Variants in ACYP2 observed in about 807,000 individuals in gnomAD.
The protein encoded by ACYP2 is acylphosphatase 2.
In ACYP2, 12 loss-of-function variants were observed where a neutral mutation model predicts 11.2. The ratio of observed to expected loss-of-function variants is 1.08; its 90% CI spans 0.69 to 1.74. The LOEUF is 1.74. Ranked by LOEUF, ACYP2 falls within the 40% of genes most tolerant of loss-of-function variation. The probability of loss-of-function intolerance (pLI) is 0.00; values close to 1 mark genes in which losing one functional copy is unlikely to be tolerated. For missense variants in ACYP2, 134 were observed against 101.9 expected (o/e 1.31, Z -1.35); for synonymous variants, 43 against 32.2 (o/e 1.33, Z -1.13).
At chr2:54,038,676 TA>T (rs1558487442) in intron 2 of ACYP2, among the ~76,000 whole-genome samples, 1 of 21,472 alleles carries the variant, frequency 4.7e-5, no homozygotes, top group Non-Finnish European at 9.8e-5. Flanking sequence ...TTGAATACTA[TA>T]TATATATATA....
chr2:54,194,741 G>C (rs1684386405), intron 6 of ACYP2, among the ~76,000 whole-genome samples: 1 of 152,036 alleles, frequency 6.6e-6, no homozygotes, highest in African/African-American at 2.4e-5. Flanking sequence ...GTTTGCAAGT[G>C]TCATGTTTGG....
At chr2:54,183,485 T>C (rs1305302662) in intron 6 of ACYP2, among the ~76,000 whole-genome samples, 1 of 151,960 alleles carries the variant, frequency 6.6e-6, no homozygotes, top group East Asian at 1.9e-4. Context: ...TGAGCTGTGA[T>C]TGCACCACTG....
chr2:54,029,961 G>A (rs897496117), intron 2 of ACYP2: 6 of 272,982 alleles, frequency 2.2e-5, no homozygotes, highest in South Asian at 5.4e-5. Flanking sequence ...ATTTATTGCT[G>A]TAACCAGATA....
chr2:54,115,784 C>A (rs1465967719), intron 4 of ACYP2, 28 bp downstream of exon 1: 1 of 1,577,440 alleles, frequency 6.3e-7, no homozygotes, highest in Non-Finnish European at 8.6e-7. Context: ...GGTGGGAGAT[C>A]AAAAAGGTTA....
chr2:54,143,706 A>C (rs989717158), intron 6 of ACYP2, among the ~76,000 whole-genome samples: 6 of 121,162 alleles, frequency 5.0e-5, no homozygotes, highest in African/African-American at 1.9e-4. Flanking sequence ...TGCTGGGATT[A>C]CAGGCATGAG....
chr2:54,225,074 G>A (rs2103956723), intron 6 of ACYP2, among the ~76,000 whole-genome samples: 1 of 152,314 alleles, frequency 6.6e-6, no homozygotes, highest in East Asian at 1.9e-4. Flanking sequence ...CCCTTTAACT[G>A]GCCACAGTGA....
chr2:54,059,759 A>G (rs1558500776), intron 4 of ACYP2, among the ~76,000 whole-genome samples: 1 of 152,142 alleles, frequency 6.6e-6, no homozygotes, highest in Non-Finnish European at 1.5e-5. Flanking sequence ...CTCATCCTTC[A>G]GTAGGGTGAG....
chr2:54,047,528 C>G (rs964499843), intron 2 of ACYP2, among the ~76,000 whole-genome samples: 10 of 152,186 alleles, frequency 6.6e-5, no homozygotes, highest in Admixed American at 5.9e-4. Flanking sequence ...ACCCATTTTA[C>G]TAGGACTACA....
Position 54,255,267 on chromosome 2 carries a change from C to G in ACYP2, c.405-49421C>G, listed in dbSNP as rs191487480. On this transcript the variant is annotated intron_variant, in intron 6 of 6. Coordinates refer to ENST00000607452, the MANE Select transcript of ACYP2 (RefSeq NM_001320586.2). ...AGTAAGGGTTTCTTTGAAAGAAGAA[C>G]TTAAACTTGCAGCCTGTCCTAGGGT... The G allele has an allele frequency of 9.4e-5, 152 of 1,614,182 alleles. 2 individuals carry two copies. The highest frequency in any genetic ancestry group is 6.1e-4 in the African/African-American group (46 of 75,046).
chr2:54,263,244 G>C (rs1378375937), intron 6 of ACYP2, among the ~76,000 whole-genome samples: 1 of 152,146 alleles, frequency 6.6e-6, no homozygotes, highest in East Asian at 1.9e-4. Context: ...GAGGAGGAGA[G>C]AGAGGGAGGT....
At chr2:54,022,492 C>T (rs1229039714) in intron 2 of ACYP2, among the ~76,000 whole-genome samples, 1 of 152,084 alleles carries the variant, frequency 6.6e-6, no homozygotes, top group African/African-American at 2.4e-5. Context: ...AGTGGTCCTC[C>T]TCCCTCAGCC....
intron 6 of ACYP2, among the ~76,000 whole-genome samples, chr2:54,208,161 C>T (rs1685160186): frequency 6.6e-6 from 1 of 151,576 alleles, no homozygotes; most frequent in African/African-American, 2.4e-5. Flanking sequence ...TGTGTGTCAC[C>T]AAGTTTTTGT....
chr2:54,124,627 C>T (rs964623446), intron 4 of ACYP2, among the ~76,000 whole-genome samples: 1 of 152,174 alleles, frequency 6.6e-6, no homozygotes, highest in Non-Finnish European at 1.5e-5. Flanking sequence ...AAAATTGTGC[C>T]TCAAACTTAC....
chr2:54,125,172 A>G (rs1297263794), intron 4 of ACYP2, among the ~76,000 whole-genome samples: 1 of 152,202 alleles, frequency 6.6e-6, no homozygotes, highest in African/African-American at 2.4e-5. Flanking sequence ...AACAGCTACC[A>G]TATCCTGCTC....
At chr2:54,096,056 A>G (rs1348415050) in intron 4 of ACYP2, among the ~76,000 whole-genome samples, 3 of 67,438 alleles carry the variant, frequency 4.4e-5, no homozygotes, top group Non-Finnish European at 2.9e-5. Flanking sequence ...CGGGGGGCTG[A>G]CCCCCACCTC....
At chr2:54,121,986 T>TG (rs1680186298) in intron 4 of ACYP2, among the ~76,000 whole-genome samples, 1 of 152,236 alleles carries the variant, frequency 6.6e-6, no homozygotes, top group Non-Finnish European at 1.5e-5. Context: ...GTTTGAAAGA[T>TG]GCCGTGGTGT....
intron 4 of ACYP2, among the ~76,000 whole-genome samples, chr2:54,074,386 C>A (rs370910013): frequency 1.3e-5 from 2 of 152,106 alleles, no homozygotes; most frequent in East Asian, 3.9e-4. Context: ...TCACATGAGT[C>A]CAGGAGTTCG....
chr2:54,081,614 T>G (rs146695188), intron 4 of ACYP2, among the ~76,000 whole-genome samples: 7 of 152,352 alleles, frequency 4.6e-5, no homozygotes, highest in African/African-American at 1.7e-4. Context: ...TGCCCAGTGA[T>G]GAAATTGCCT....
intron 6 of ACYP2, among the ~76,000 whole-genome samples, chr2:54,299,998 C>T (rs974332491): frequency 6.6e-6 from 1 of 152,168 alleles, no homozygotes; most frequent in Non-Finnish European, 1.5e-5. Flanking sequence ...TCAACTCTTC[C>T]TCCACCCCAC....
Sources: gnomAD v4.1 joint callset for allele counts (sites outside exome capture counted in the v4.1 genomes callset) on GRCh38, gnomAD v4.1.1 for gene constraint, MANE v1.5 for transcripts, NCBI Gene and HGNC (gene_info 2026-07-23, HGNC 2026-07-21) for gene names.